CEP104: variants seen among roughly 807,000 people sequenced by gnomAD.
The protein encoded by CEP104 is centrosomal protein 104.
A neutral mutation model predicts 113.3 loss-of-function variants in CEP104; 84 were observed. The ratio of observed to expected loss-of-function variants is 0.74; its 90% CI spans 0.62 to 0.89. The LOEUF (loss-of-function observed/expected upper bound fraction) is 0.89. Ranked by LOEUF, CEP104 falls within the 40% of genes least tolerant of loss-of-function variation. CEP104 has a pLI of 0.00. For missense variants in CEP104, 1,053 were observed against 1,156.6 expected (o/e 0.91, Z 1.30); for synonymous variants, 378 against 421.7 (o/e 0.90, Z 1.27).
At chr1:3,821,490 C>T (rs1224030100) in intron 20 of CEP104, among the ~76,000 whole-genome samples, 1 of 152,220 alleles carries the variant, frequency 6.6e-6, no homozygotes, top group Non-Finnish European at 1.5e-5. Flanking sequence ...CCTAGGGTCA[C>T]CACAGAGTGG....
chr1:3,843,271 C>T, intron 6 of CEP104: 1 of 703,566 alleles, frequency 1.4e-6, no homozygotes. Context: ...GAGGATGGCA[C>T]AGCGGGGCCC....
intron 20 of CEP104, among the ~76,000 whole-genome samples, chr1:3,820,145 C>T (rs530976974): frequency 1.8e-4 from 27 of 152,190 alleles, no homozygotes; most frequent in African/African-American, 5.3e-4. Flanking sequence ...ACATGAGATA[C>T]GCCTGGTGAC....
At chr1:3,847,641 T>A in intron 3 of CEP104, 28 bp from the exon 4 acceptor site, 1 of 1,613,418 alleles carries the variant, frequency 6.2e-7, no homozygotes, top group African/African-American at 1.3e-5. Context: ...ACTGAAGAAT[T>A]TGAAAATGTG....
chr1:3,847,622 C>G lies in CEP104; in HGVS notation c.288-9G>C. The stretch of plus-strand genomic sequence containing the variant: ...CACAGAGAGACACGTAGCTGAAAAA[C>G]AAAACACAACTGAAGAATTTGAAAA... On this transcript the variant is annotated splice_polypyrimidine_tract_variant and intron_variant, in intron 3 of 21. Coordinates refer to ENST00000378230, the MANE Select transcript of CEP104 (RefSeq NM_014704.4). 1 of 1,614,012 alleles carries G rather than the reference C, an allele frequency of 6.2e-7. No individual in the cohort carries two copies. Among genetic ancestry groups the G allele is most frequent in the Non-Finnish European group, 8.5e-7 (1 of 1,179,978 alleles).
chr1:3,845,580 G>GT (rs750329011), intron 4 of CEP104, among the ~76,000 whole-genome samples: 2 of 151,844 alleles, frequency 1.3e-5, no homozygotes, highest in South Asian at 2.1e-4. Context: ...TAATTTTTGT[G>GT]TTTTTTTGCA....
chr1:3,817,599 G>A (rs1227967065), intron 20 of CEP104, among the ~76,000 whole-genome samples: 1 of 152,158 alleles, frequency 6.6e-6, no homozygotes, highest in Non-Finnish European at 1.5e-5. Flanking sequence ...GGCAACCTTC[G>A]TGTCCCTAAA....
rs1643924344 is a variant in CEP104 at position 3,819,154 on chromosome 1, T to TA, written c.2572-2785_2572-2784insT. Among the ~76,000 whole-genome samples, 3 of 152,198 alleles carry TA rather than the reference T, an allele frequency of 2.0e-5. No individual in the cohort carries two copies. Among genetic ancestry groups the TA allele is most frequent in the Non-Finnish European group, 1.5e-5 (1 of 68,032 alleles). On this transcript the variant is annotated intron_variant, in intron 20 of 21. Transcript: ENST00000378230. The surrounding 1 kb of genome is among the most constrained non-coding windows in gnomAD (Gnocchi z 4.6). ...TATGTTCAAGGACTTGAACGTGCAA[T>TA]GAAGTGCTACTGATCTATTAGAACC... is the stretch of plus-strand genomic sequence containing the variant.
At chr1:3,849,569 TAGAGAATCACAGCAGTC>T (rs1207758752) in intron 2 of CEP104, among the ~76,000 whole-genome samples, 6 of 152,068 alleles carry the variant, frequency 3.9e-5, no homozygotes, top group African/African-American at 1.2e-4. Flanking sequence ...AAGAGTTGGG[TAGAGAATCACAGCAGTC>T]AGCAAAGACC....
intron 20 of CEP104, among the ~76,000 whole-genome samples, chr1:3,817,514 A>C (rs1284469836): frequency 6.6e-6 from 1 of 152,108 alleles, no homozygotes; most frequent in Admixed American, 6.5e-5. Context: ...GAGCGCTTGC[A>C]GCCCCAGCCC....
At chr1:3,849,935 G>A (rs1386220196) in intron 2 of CEP104, among the ~76,000 whole-genome samples, 21 of 152,178 alleles carry the variant, frequency 1.4e-4, no homozygotes, top group Admixed American at 8.5e-4. Flanking sequence ...GGTCCCATAA[G>A]ATGACAACAC....
chr1:3,848,465 G>T, intron 3 of CEP104, 143 bp downstream of exon 3: 1 of 637,280 alleles, frequency 1.6e-6, no homozygotes, highest in Non-Finnish European at 2.6e-6. Context: ...CCGGGAGGCA[G>T]AGGCTGCAGT....
rs575951712 is a variant in CEP104, at chr1:3,856,953, G to C, written c.-79C>G. The C allele has an allele frequency of 6.6e-6, 1 of 152,052 alleles. No individual in the cohort carries two copies. The highest frequency in any genetic ancestry group is 1.9e-4 in the East Asian group (1 of 5,156). 9.4% of individuals were successfully genotyped at this position (152,052 alleles called of 1,614,324 possible). A position where few individuals can be genotyped will look rare whatever the true frequency, so the allele number is the denominator to read the frequency against. On this transcript the variant is annotated 5_prime_UTR_variant, in exon 1 of 22. Coordinates refer to ENST00000378230, the MANE Select transcript of CEP104 (RefSeq NM_014704.4). Reference sequence around the variant, plus strand: ...CCCGGTGGAGAGGGCGGCTGGGTCGGAGCGGTGCCGCGGCCCGGGGAGGCG... The same window carrying C: ...CCCGGTGGAGAGGGCGGCTGGGTCGCAGCGGTGCCGCGGCCCGGGGAGGCG...
chr1:3,846,707 T>G (rs1287966849), intron 4 of CEP104, among the ~76,000 whole-genome samples: 2 of 152,190 alleles, frequency 1.3e-5, no homozygotes, highest in Non-Finnish European at 2.9e-5. Context: ...CCAGGCAGCT[T>G]AATTGGACCT....
intron 2 of CEP104, 77 bp from the exon 3 acceptor site, chr1:3,848,858 A>AG: frequency 7.9e-7 from 1 of 1,258,476 alleles, no homozygotes; most frequent in Non-Finnish European, 1.1e-6. Context: ...TCATTCTTGC[A>AG]GGTAAGAAGC....
intron 9 of CEP104, 105 bp downstream of exon 9, chr1:3,837,187 G>T: frequency 1.1e-6 from 1 of 896,678 alleles, no homozygotes; most frequent in Non-Finnish European, 1.7e-6. Context: ...GGTCTGGCTG[G>T]GGAGCACTCA....
Position 3,852,363 on chromosome 1 carries a change from G to A in CEP104, c.45C>T (p.His15=), listed in dbSNP as rs138006027. 1.2e-4 allele frequency: 198 copies of A among 1,613,990 alleles called. No individual in the cohort carries two copies. Among genetic ancestry groups the A allele is most frequent in the Middle Eastern group, 3.3e-4 (2 of 6,084 alleles). The part of the protein sequence containing the change: ...IGFVVVSSSG[H]EDGFSARELM... ...GCTCCCGGGCACTGAAGCCGTCTTC[G>A]TGTCCAGATGAGCTGACGACTACAA... Residue 15 remains histidine (H), a synonymous_variant, in exon 2 of 22, where the codon CAC becomes CAT. Coordinates refer to ENST00000378230, the MANE Select transcript of CEP104 (RefSeq NM_014704.4).
chr1:3,812,205 A>G lies in CEP104; in HGVS notation c.*3197T>C, dbSNP rs1255984150. On this transcript the variant is annotated 3_prime_UTR_variant, in exon 22 of 22. Transcript: ENST00000378230. ...ATTCTGGTACTTGAAATAAAGACAA[A>G]TAGAAAACTATGTTAAAATATTAAA... 6.6e-6 allele frequency: 1 copy of G among 152,214 alleles called. No homozygotes were observed. The highest frequency in any genetic ancestry group is 1.5e-5 in the Non-Finnish European group (1 of 68,042). The allele number at this position is 152,214 out of a possible 1,614,324, so 9.4% of individuals were successfully genotyped here.
chr1:3,837,598 A>G (rs1405794975), intron 8 of CEP104, 79 bp from the exon 9 acceptor site: 2 of 1,237,610 alleles, frequency 1.6e-6, no homozygotes, highest in Admixed American at 4.3e-5. Flanking sequence ...TCAGATGAAT[A>G]AGACTTTAGA....
intron 2 of CEP104, 76 bp downstream of exon 2, chr1:3,852,219 T>C (rs776892220): frequency 1.6e-4 from 232 of 1,409,184 alleles, no homozygotes; most frequent in Non-Finnish European, 2.1e-4. Flanking sequence ...AGGCTCTGAA[T>C]GAAAGGAGCC....
Sources: gnomAD v4.1 joint callset for allele counts (sites outside exome capture counted in the v4.1 genomes callset) on GRCh38, gnomAD v4.1.1 for gene constraint, Gnocchi (gnomAD v3.1) non-coding constraint, MANE v1.5 for transcripts, NCBI Gene and HGNC (gene_info 2026-07-23, HGNC 2026-07-21) for gene names.